The following OVCH1 variants were observed in gnomAD, a reference collection of about 807,000 sequenced individuals.
OVCH1 encodes the protein ovochymase-1.
In OVCH1, 139 loss-of-function variants were observed where a neutral mutation model predicts 138.4. The observed-to-expected ratio is 1.00, with a 90% CI of 0.87 to 1.16. The LOEUF (loss-of-function observed/expected upper bound fraction) is 1.16. Among genes scored for constraint, OVCH1 ranks in the 50% most tolerant of loss-of-function variants. The probability of loss-of-function intolerance (pLI) is 0.00; values close to 1 mark genes in which losing one functional copy is unlikely to be tolerated. For synonymous variants in OVCH1, 453 were observed against 467.8 expected (o/e 0.97, Z 0.41); for missense variants, 1,367 against 1,357.9 (o/e 1.01, Z -0.11).
At chr12:29,435,442 C>G (rs1243968016) in intron 26 of OVCH1, among the ~76,000 whole-genome samples, 1 of 152,170 alleles carries the variant, frequency 6.6e-6, no homozygotes, top group African/African-American at 2.4e-5. Context: ...TCTCGGCTCA[C>G]CACAAGCTCC....
chr12:29,464,868 A>T (rs1942262436), intron 17 of OVCH1, 166 bp from the exon 18 acceptor site: 1 of 705,494 alleles, frequency 1.4e-6, no homozygotes, highest in Non-Finnish European at 2.3e-6. Flanking sequence ...TACAATTTGC[A>T]GGGGGCTATG....
intron 26 of OVCH1, among the ~76,000 whole-genome samples, chr12:29,436,959 T>G (rs1941374077): frequency 1.3e-5 from 2 of 152,208 alleles, no homozygotes; most frequent in Non-Finnish European, 2.9e-5. Context: ...CCAGCTTTTA[T>G]TCCCTTATCT....
chr12:29,491,509 C>G (rs1365273066), intron 4 of OVCH1, among the ~76,000 whole-genome samples: 1 of 152,086 alleles, frequency 6.6e-6, no homozygotes, highest in African/African-American at 2.4e-5. Flanking sequence ...GAACACAAAT[C>G]CAGAGGAATT....
intron 21 of OVCH1, among the ~76,000 whole-genome samples, chr12:29,452,532 A>G (rs1319897734): frequency 6.6e-6 from 1 of 152,164 alleles, no homozygotes; most frequent in African/African-American, 2.4e-5. Flanking sequence ...GCCTTGCCCT[A>G]CCATCTGGGA....
At chr12:29,471,872 C>G (rs773803512) in exon 16 of OVCH1, 2 of 1,613,346 alleles carry the variant, frequency 1.2e-6, no homozygotes, top group Admixed American at 1.7e-5. Flanking sequence ...TGGTAATCGC[C>G]TAGAAACCTC....
At chr12:29,411,696 A>G (rs1940959316), downstream of OVCH1, among the ~76,000 whole-genome samples, 1 of 152,194 alleles carries the variant, frequency 6.6e-6, no homozygotes, top group Admixed American at 6.5e-5. Flanking sequence ...GGCCGTGTGA[A>G]GTGTCAGTCT....
intron 4 of OVCH1, among the ~76,000 whole-genome samples, chr12:29,492,803 C>T (rs1238074894): frequency 6.6e-6 from 1 of 151,928 alleles, no homozygotes; most frequent in Non-Finnish European, 1.5e-5. Flanking sequence ...CTGGGGCACT[C>T]CAACAATATG....
At chr12:29,484,315 C>T (rs1943026492) in intron 8 of OVCH1, among the ~76,000 whole-genome samples, 1 of 152,040 alleles carries the variant, frequency 6.6e-6, no homozygotes, top group Admixed American at 6.6e-5. Flanking sequence ...TCACTAAATC[C>T]CACAGCAATC....
intron 16 of OVCH1, 25 bp downstream of exon 16, chr12:29,471,777 T>C (rs1351505387): frequency 6.3e-7 from 1 of 1,588,004 alleles, no homozygotes; most frequent in East Asian, 2.3e-5. Flanking sequence ...GCTAAATAGG[T>C]TGGTAAAATA....
At chr12:29,487,807 C>T (rs1321388458) in exon 7 of OVCH1, 2 of 1,606,468 alleles carry the variant, frequency 1.2e-6, no homozygotes, top group South Asian at 2.2e-5. Context: ...GCACAACCAG[C>T]TACCCAGGAA....
At chr12:29,420,352 G>A (rs1300907523) in intron 3 of OVCH1, among the ~76,000 whole-genome samples, 1 of 152,174 alleles carries the variant, frequency 6.6e-6, no homozygotes, top group Non-Finnish European at 1.5e-5. Flanking sequence ...AGCAACTCCA[G>A]TGCTCTAGGT....
Position 29,478,893 on chromosome 12 carries a change from C to CT in OVCH1, c.1010dup (p.Gln338AlafsTer5), listed in dbSNP as rs772373307. On this transcript the variant is annotated frameshift_variant, in exon 9 of 28. Transcript: ENST00000318184. LOFTEE classifies it high-confidence loss of function. ...CATAGTCATGATCACATCCAACTTG[C>CT]TTTTCCATGTCTAAACTTGTAAATT... is the stretch of plus-strand genomic sequence containing the variant. 6.3e-7 allele frequency: 1 copy of CT among 1,584,748 alleles called. No individual in the cohort carries two copies. Among genetic ancestry groups the CT allele is most frequent in the African/African-American group, 1.4e-5 (1 of 73,554 alleles).
At chr12:29,444,969 T>C (rs896777222) in intron 23 of OVCH1, among the ~76,000 whole-genome samples, 1 of 152,028 alleles carries the variant, frequency 6.6e-6, no homozygotes, top group African/African-American at 2.4e-5. Context: ...GCCACAAGAA[T>C]TTACAGCTAC....
chr12:29,443,614 TTG>T (rs1034767012), intron 24 of OVCH1, 114 bp from the exon 25 acceptor site: 6 of 1,046,552 alleles, frequency 5.7e-6, no homozygotes, highest in African/African-American at 3.3e-5. Context: ...GCCTTATTTT[TTG>T]TGTCTGTTTC....
At chr12:29,403,532 CT>C in the OVCH1 span, among the ~76,000 whole-genome samples, 3 of 152,182 alleles carry the variant, frequency 2.0e-5, no homozygotes, top group Admixed American at 6.5e-5. Flanking sequence ...CTGTGACAGA[CT>C]TTGGCATCTA....
At chr12:29,428,032 T>C (rs998046335) in intron 27 of OVCH1, among the ~76,000 whole-genome samples, 4 of 152,184 alleles carry the variant, frequency 2.6e-5, no homozygotes, top group Non-Finnish European at 4.4e-5. Flanking sequence ...GAGAACCTGG[T>C]CTGATGCTCG....
chr12:29,407,448 T>A, the OVCH1 span, among the ~76,000 whole-genome samples: 1 of 151,298 alleles, frequency 6.6e-6, no homozygotes, highest in Non-Finnish European at 1.5e-5. Flanking sequence ...AGCTCTAATG[T>A]GTAAGTCTTT....
intron 26 of OVCH1, chr12:29,439,282 G>T: frequency 7.3e-7 from 1 of 1,371,780 alleles, no homozygotes; most frequent in Non-Finnish European, 9.5e-7. Flanking sequence ...TTTTTGTTAA[G>T]ATGTTATATA....
intron 21 of OVCH1, among the ~76,000 whole-genome samples, chr12:29,454,595 A>G (rs1270149980): frequency 6.6e-6 from 1 of 152,184 alleles, no homozygotes; most frequent in Non-Finnish European, 1.5e-5. Context: ...GTAATTCTCC[A>G]ATATTCAAGC....
Sources: gnomAD v4.1 joint callset for allele counts (sites outside exome capture counted in the v4.1 genomes callset) on GRCh38, gnomAD v4.1.1 for gene constraint, MANE v1.5 for transcripts, NCBI Gene and HGNC (gene_info 2026-07-23, HGNC 2026-07-21) for gene names.